Variants in C4BPB observed in about 807,000 individuals in gnomAD.
C4BPB encodes the protein C4b-binding protein beta chain.
A neutral mutation model predicts 26.6 loss-of-function variants in C4BPB; 19 were observed. The observed-to-expected ratio is 0.71, with a 90% CI of 0.50 to 1.05. The LOEUF (loss-of-function observed/expected upper bound fraction) is 1.05. C4BPB is among the 50% of genes least tolerant of loss of function. The pLI, the probability that C4BPB is intolerant of heterozygous loss-of-function variation, is 0.00. For missense variants in C4BPB, 282 were observed against 302.9 expected (o/e 0.93, Z 0.51); for synonymous variants, 118 against 103.5 (o/e 1.14, Z -0.85).
Position 207,096,524 on chromosome 1 carries a change from G to T in C4BPB, c.412G>T (p.Asp138Tyr). 1 of 1,592,588 alleles carries T rather than the reference G, an allele frequency of 6.3e-7. No individual in the cohort carries two copies. Among genetic ancestry groups the T allele is most frequent in the Non-Finnish European group, 8.6e-7 (1 of 1,161,514 alleles). ...ACTTCTATACTCGTTTCTCTCAGGG[G>T]ACTGTGACCCTCCTGGGAATCCAGT... ...APPFPICKSR[D>Y]CDPPGNPVHG... The change falls in exon 5 of 7, where the codon GAC becomes TAC. Residue 138 changes from aspartate to tyrosine, a missense_variant and splice_region_variant. Coordinates refer to ENST00000367078, the MANE Select transcript of C4BPB (RefSeq NM_001017365.3).
intron 4 of C4BPB, 110 bp from the exon 5 acceptor site, chr1:207,096,412 G>A (rs1029219080): frequency 5.5e-6 from 4 of 730,180 alleles, no homozygotes; most frequent in Admixed American, 1.9e-5. Flanking sequence ...GCTGGCGCAG[G>A]TGTTGCTCTG....
rs1034120132 is a variant in C4BPB at position 207,099,919 on chromosome 1, A to C, written c.749A>C (p.Lys250Thr). Residue 250 changes from lysine to threonine, a missense_variant, in exon 7 of 7, where the codon AAA becomes ACA. By Grantham distance (78) the Lys-to-Thr change is moderately conservative (BLOSUM62 -1). Transcript: ENST00000367078. Reference sequence around the variant, plus strand: ...CTGAAGAAAGCTGAGTTGAAGGCAAAATTGTTGTAACACTACAGCTGAGCA... The same window carrying C: ...CTGAAGAAAGCTGAGTTGAAGGCAACATTGTTGTAACACTACAGCTGAGCA... Reference protein sequence around the residue: ...LELKKAELKAKLL With the variant: ...LELKKAELKATLL 6.2e-7 allele frequency: 1 copy of C among 1,612,830 alleles called. No individual in the cohort carries two copies. The highest frequency in any genetic ancestry group is 8.5e-7 in the Non-Finnish European group (1 of 1,179,580).
chr1:207,093,154 T>G (rs993946400), intron 4 of C4BPB, among the ~76,000 whole-genome samples: 2 of 152,100 alleles, frequency 1.3e-5, no homozygotes, highest in African/African-American at 2.4e-5. Flanking sequence ...TATATGAAAA[T>G]TTACTGAAAG....
In C4BPB at chr1:207,091,706, G is replaced by T. The variant is rs767670680; in HGVS notation, c.295G>T (p.Val99Leu). Reference protein sequence around the residue: ...GEFSSSGPVNVSDKITFMCND... With the variant: ...GEFSSSGPVNLSDKITFMCND... ...GTTCAGTTCTTCAGGGCCTGTGAAT[G>T]TAAGTGACAAAATCACGTTTATGTG... Residue 99 changes from valine (V) to leucine (L), a missense_variant, in exon 4 of 7, where the codon GTA becomes TTA. Val to Leu is a conservative substitution (Grantham distance 32). Transcript: ENST00000367078. The T allele has an allele frequency of 6.2e-7, 1 of 1,614,018 alleles. No individual in the cohort carries two copies. The highest frequency in any genetic ancestry group is 8.5e-7 in the Non-Finnish European group (1 of 1,179,954).
chr1:207,091,471 C>T (rs1258544840), intron 3 of C4BPB, among the ~76,000 whole-genome samples, 173 bp from the exon 4 acceptor site: 1 of 152,154 alleles, frequency 6.6e-6, no homozygotes, highest in African/African-American at 2.4e-5. Flanking sequence ...AGGTCAATCT[C>T]CTCTTTTTTT....
chr1:207,099,521 G>C (rs1684384144), intron 6 of C4BPB, among the ~76,000 whole-genome samples: 1 of 152,126 alleles, frequency 6.6e-6, no homozygotes, highest in Non-Finnish European at 1.5e-5. Context: ...AATTCTTCTA[G>C]GCTCCAAAAC....
intron 4 of C4BPB, 46 bp from the exon 5 acceptor site, chr1:207,096,476 C>T (rs1378189482): frequency 7.0e-6 from 8 of 1,136,002 alleles, no homozygotes; most frequent in East Asian, 4.7e-5. Flanking sequence ...GTTCATTGAG[C>T]GTGCCTGGCC....
At chr1:207,094,575 G>T (rs1329978139) in intron 4 of C4BPB, among the ~76,000 whole-genome samples, 2 of 152,016 alleles carry the variant, frequency 1.3e-5, no homozygotes. Flanking sequence ...CAGGATCCCT[G>T]TCTTTTTATG....
chr1:207,095,635 C>G (rs1684219516), intron 4 of C4BPB: 1 of 347,116 alleles, frequency 2.9e-6, no homozygotes, highest in Non-Finnish European at 5.7e-6. Flanking sequence ...ACCTTCTCCC[C>G]TTTTTCTGAT....
intron 4 of C4BPB, chr1:207,095,042 G>A (rs1471685645): frequency 1.1e-5 from 3 of 261,632 alleles, no homozygotes; most frequent in South Asian, 3.7e-5. Flanking sequence ...TTGTTTAGAA[G>A]ATTTTTATGT....
chr1:207,094,900 A>G (rs1684180847), intron 4 of C4BPB: 1 of 174,462 alleles, frequency 5.7e-6, no homozygotes, highest in Admixed American at 5.5e-5. Flanking sequence ...AAGCCATCTA[A>G]GGATAAGGGC....
At chr1:207,094,748 ATTC>A (rs1684176167) in intron 4 of C4BPB, among the ~76,000 whole-genome samples, 1 of 152,206 alleles carries the variant, frequency 6.6e-6, no homozygotes, top group Admixed American at 6.5e-5. Flanking sequence ...ACTCCTGGAA[ATTC>A]TTCTTGCTTT....
At position 207,099,751 on chromosome 1, in the gene C4BPB, C is replaced by A. The variant is rs763868841; in HGVS notation, c.619-38C>A. The A allele has an allele frequency of 7.5e-6, 12 of 1,594,056 alleles. No individual in the cohort carries two copies. The South Asian group carries it at 1.3e-4, about 17-fold the overall frequency. ...TCAGAGTATATAGCTGGGTCTCAGT[C>A]CTTATGTTGTAACTTGTGAAAAATT... On this transcript the variant is annotated intron_variant, in intron 6 of 6. Transcript: ENST00000367078.
chr1:207,089,641 G>T, intron 2 of C4BPB, 52 bp downstream of exon 2: 1 of 1,445,046 alleles, frequency 6.9e-7, no homozygotes, highest in Non-Finnish European at 9.7e-7. Context: ...GTCCTTTTGC[G>T]GTGTTTTGAG....
chr1:207,090,492 TC>T lies in C4BPB; in HGVS notation c.232+12del. The T allele has an allele frequency of 6.3e-7, 1 of 1,588,438 alleles. No individual in the cohort carries two copies. The highest frequency in any genetic ancestry group is 8.6e-7 in the Non-Finnish European group (1 of 1,166,418). ...CTACTGAGTGCCGCTGTAAGTTAGA[TC>T]TTTCTGTATCTTTGCCCATATTGAT... is the stretch of plus-strand genomic sequence containing the variant. On this transcript the variant is annotated intron_variant, in intron 3 of 6. Transcript: ENST00000367078.
intron 4 of C4BPB, among the ~76,000 whole-genome samples, chr1:207,093,650 T>G (rs909438996): frequency 2.0e-5 from 3 of 152,124 alleles, no homozygotes; most frequent in African/African-American, 7.2e-5. Flanking sequence ...GCAAAATTAT[T>G]AAATCATTAA....
At chr1:207,099,024 A>T (rs1030151471) in intron 6 of C4BPB, among the ~76,000 whole-genome samples, 1 of 149,684 alleles carries the variant, frequency 6.7e-6, no homozygotes, top group African/African-American at 2.5e-5. Flanking sequence ...TCTGGGAGTG[A>T]TGGGAGACAG....
intron 5 of C4BPB, chr1:207,097,882 G>A: frequency 6.7e-6 from 2 of 299,410 alleles, no homozygotes; most frequent in East Asian, 6.5e-5. Flanking sequence ...CCCAAAACCT[G>A]GGTGTGTAAA....
chr1:207,097,898 G>T (rs187395247), intron 5 of C4BPB: 1 of 349,740 alleles, frequency 2.9e-6, no homozygotes, highest in Non-Finnish European at 5.2e-6. Flanking sequence ...GTAAACACCT[G>T]ATTCAGAATT....
Sources: gnomAD v4.1 joint callset for allele counts (sites outside exome capture counted in the v4.1 genomes callset) on GRCh38, gnomAD v4.1.1 for gene constraint, MANE v1.5 for transcripts, NCBI Gene and HGNC (gene_info 2026-07-23, HGNC 2026-07-21) for gene names.